ZC3H7B: variants seen among roughly 807,000 people sequenced by gnomAD.
ZC3H7B encodes the protein zinc finger CCCH-type containing 7B, also known as zinc finger CCCH domain-containing protein 7B.
Under a neutral mutation model 116.0 loss-of-function variants are expected in ZC3H7B, and 35 were observed. That is an observed-to-expected ratio of 0.30 (90% CI 0.23 to 0.40). The LOEUF (loss-of-function observed/expected upper bound fraction) is 0.40. Ranked by LOEUF, ZC3H7B falls within the 10% of genes least tolerant of loss-of-function variation. ZC3H7B has a pLI of 1.00. For missense variants in ZC3H7B, 1,011 were observed against 1,321.5 expected, an observed-to-expected ratio of 0.77 and a Z score of 3.64; for synonymous variants, 502 against 545.6, an observed-to-expected ratio of 0.92 and a Z score of 1.11.
At chr22:41,355,661 G>A (rs2036703864) in intron 18 of ZC3H7B, 59 bp downstream of exon 18, 1 of 1,612,318 alleles carries the variant, frequency 6.2e-7, no homozygotes, top group South Asian at 1.1e-5. Flanking sequence ...CACCACAGGT[G>A]TGGAGGCCAA....
At chr22:41,339,357 T>C (rs950863359) in intron 9 of ZC3H7B, among the ~76,000 whole-genome samples, 166 bp downstream of exon 9, 1 of 152,246 alleles carries the variant, frequency 6.6e-6, no homozygotes, top group African/African-American at 2.4e-5. Context: ...CTGGGCACGG[T>C]GGCTCACGCC....
Position 41,330,053 on chromosome 22 carries a change from C to T in ZC3H7B, c.475C>T (p.Leu159=), listed in dbSNP as rs2036362949. ...AAGCGTGACTCAGCTTGGTCAGGAG[C>T]TGGCCCAGAAACTGGGGCTGCGAGT... is the stretch of plus-strand genomic sequence containing the variant. ...DESVTQLGQE[L]AQKLGLRVRK... Residue 159 remains leucine, a synonymous_variant, in exon 6 of 23, where the codon CTG becomes TTG. Coordinates refer to ENST00000352645, the MANE Select transcript of ZC3H7B (RefSeq NM_017590.6). 6.8e-6 allele frequency: 11 copies of T among 1,613,786 alleles called. No individual in the cohort carries two copies. The highest frequency in any genetic ancestry group is 9.3e-6 in the Non-Finnish European group (11 of 1,180,016).
At chr22:41,343,296 C>T (rs901476710) in intron 12 of ZC3H7B, 119 bp from the exon 13 acceptor site, 14 of 1,341,440 alleles carry the variant, frequency 1.0e-5, no homozygotes, top group Middle Eastern at 2.0e-4. Flanking sequence ...GCAGGAGGCC[C>T]TCAGAGGGGA....
Position 41,339,799 on chromosome 22 carries a change from C to T in ZC3H7B, c.817-17C>T. The T allele has an allele frequency of 6.4e-7, 1 of 1,568,674 alleles. No homozygotes were observed. Among genetic ancestry groups the T allele is most frequent in the African/African-American group, 1.3e-5 (1 of 74,308 alleles). On this transcript the variant is annotated splice_polypyrimidine_tract_variant and intron_variant, in intron 9 of 22. Coordinates refer to ENST00000352645, the MANE Select transcript of ZC3H7B (RefSeq NM_017590.6). Reference sequence around the variant, plus strand: ...TCCTGTTTTCCTCTGACCCCTCCCTCTGTCCCTGCCTCATAGTCTCTGGTC... The same window carrying T: ...TCCTGTTTTCCTCTGACCCCTCCCTTTGTCCCTGCCTCATAGTCTCTGGTC...
chr22:41,343,271 G>A, intron 12 of ZC3H7B, 144 bp from the exon 13 acceptor site: 1 of 1,075,278 alleles, frequency 9.3e-7, no homozygotes. Context: ...GCCAGGAAGG[G>A]TGTGGTGGGA....
At position 41,359,955 on chromosome 22, in the gene ZC3H7B, T is replaced by C. The variant is rs1242821190; in HGVS notation, c.*2526T>C. 1.3e-5 allele frequency: 2 copies of C among 152,586 alleles called. No homozygotes were observed. The highest frequency in any genetic ancestry group is 2.9e-5 in the Non-Finnish European group (2 of 68,024). The allele number at this position is 152,586 out of a possible 1,614,324, so 9.5% of individuals were successfully genotyped here. On this transcript the variant is annotated 3_prime_UTR_variant, in exon 23 of 23. Transcript: ENST00000352645. The stretch of plus-strand genomic sequence containing the variant: ...CATTTCTCAGCTGGGCAGTAATCAA[T>C]TTAATGGTCCTTTAAAATGTCTGTG...
chr22:41,343,716 G>T (rs2036551714), intron 13 of ZC3H7B, 140 bp downstream of exon 13: 7 of 1,219,050 alleles, frequency 5.7e-6, no homozygotes, highest in Middle Eastern at 2.9e-4. Flanking sequence ...CACGGCCTAG[G>T]CTCCTGGGGC....
rs1017962497 is a variant in ZC3H7B, at chr22:41,351,383, G to C, written c.1949-178G>C. Among the ~76,000 whole-genome samples, 4 of 152,182 alleles carry C rather than the reference G, an allele frequency of 2.6e-5. No homozygotes were observed. The highest frequency in any genetic ancestry group is 9.7e-5 in the African/African-American group (4 of 41,438). On this transcript the variant is annotated intron_variant, in intron 16 of 22. Transcript: ENST00000352645. This position sits in a 1 kb window ranked among gnomAD's most constrained non-coding sequence, Gnocchi z 5.1. ...CCAGTGAGGCTCGGAGCAGGTCTTT[G>C]TTCCCATTTTGCAGATGGACAAAGT...
chr22:41,321,901 G>A (rs1214811463), intron 2 of ZC3H7B, among the ~76,000 whole-genome samples: 3 of 137,734 alleles, frequency 2.2e-5, no homozygotes, highest in East Asian at 2.2e-4. Context: ...GTGCAGTGGC[G>A]GGATCTCGGC....
intron 7 of ZC3H7B, chr22:41,334,969 G>A (rs548110103): frequency 1.3e-5 from 2 of 152,340 alleles, no homozygotes; most frequent in East Asian, 3.9e-4. Flanking sequence ...AGGGCTGTGA[G>A]TTCCAGGAAC....
chr22:41,342,428 A>G (rs2145931457), intron 11 of ZC3H7B, 101 bp from the exon 12 acceptor site: 1 of 1,076,306 alleles, frequency 9.3e-7, no homozygotes, highest in Non-Finnish European at 1.4e-6. Context: ...TGGGTAGGAT[A>G]GGGGGGTCAT....
rs1415178229 is a variant in ZC3H7B at position 41,332,185 on chromosome 22, T to C, written c.540T>C (p.Phe180=). 1.2e-6 allele frequency: 2 copies of C among 1,614,012 alleles called. No homozygotes were observed. The highest frequency in any genetic ancestry group is 4.5e-5 in the East Asian group (2 of 44,896). ...AYKRPQELET[F]SLLSNGTAAG... ...ATCTCTGGCAGGAATTGGAAACCTTTTCTCTGCTCAGTAACGGCACTGCGG... is the reference window on the plus strand; with the variant it reads ...ATCTCTGGCAGGAATTGGAAACCTTCTCTCTGCTCAGTAACGGCACTGCGG... Residue 180 remains phenylalanine, a synonymous_variant, in exon 7 of 23, where the codon TTT becomes TTC. Coordinates refer to ENST00000352645, the MANE Select transcript of ZC3H7B (RefSeq NM_017590.6).
Position 41,327,063 on chromosome 22 carries a change from G to C in ZC3H7B, c.286-143G>C, listed in dbSNP as rs2036328187. 5.8e-6 allele frequency: 7 copies of C among 1,197,076 alleles called. No individual in the cohort carries two copies. The Admixed American group carries it at 7.8e-5, about 13-fold the overall frequency. The allele number at this position is 1,197,076 out of a possible 1,614,324, so 74.2% of individuals were successfully genotyped here. On this transcript the variant is annotated intron_variant, in intron 4 of 22. Coordinates refer to ENST00000352645, the MANE Select transcript of ZC3H7B (RefSeq NM_017590.6). The surrounding 1 kb of genome is among the most constrained non-coding windows in gnomAD (Gnocchi z 4.5). Reference sequence around the variant, plus strand: ...GTGCTTCCTTCTCTCCTGGAGCCTCGAGCCCTGTCCCTGACCCAAGACTTC... The same window carrying C: ...GTGCTTCCTTCTCTCCTGGAGCCTCCAGCCCTGTCCCTGACCCAAGACTTC...
intron 5 of ZC3H7B, 131 bp from the exon 6 acceptor site, chr22:41,329,891 TG>T (rs2036360597): frequency 3.8e-6 from 3 of 792,708 alleles, no homozygotes; most frequent in African/African-American, 1.7e-5. Context: ...GGACACCTCC[TG>T]GGGCCTCACT....
Position 41,343,288 on chromosome 22 carries a change from A to C in ZC3H7B, c.1298-127A>C, listed in dbSNP as rs1431149089. On this transcript the variant is annotated intron_variant, in intron 12 of 22. Transcript: ENST00000352645. ...CAGGAAGGGTGTGGTGGGAGCTGGC[A>C]GGAGGCCCTCAGAGGGGAGGTAGGT... The C allele has an allele frequency of 6.5e-6, 8 of 1,233,646 alleles. No homozygotes were observed. In the Admixed American group the frequency reaches 1.6e-4, roughly 25 times the overall value. The allele number at this position is 1,233,646 out of a possible 1,614,324, so 76.4% of individuals were successfully genotyped here.
Position 41,356,337 on chromosome 22 carries a change from G to T in ZC3H7B, c.2384-6G>T. The T allele has an allele frequency of 1.2e-6, 2 of 1,614,032 alleles. No homozygotes were observed. The highest frequency in any genetic ancestry group is 1.7e-6 in the Non-Finnish European group (2 of 1,180,002). ...AGCAGGTGCCCTGTCCCTGTCCCCTGCCCAGTCCTGGACATGCAGCAGACC... is the reference window on the plus strand; with the variant it reads ...AGCAGGTGCCCTGTCCCTGTCCCCTTCCCAGTCCTGGACATGCAGCAGACC... On this transcript the variant is annotated splice_polypyrimidine_tract_variant and splice_region_variant and intron_variant, in intron 20 of 22. Coordinates refer to ENST00000352645, the MANE Select transcript of ZC3H7B (RefSeq NM_017590.6).
chr22:41,307,379 C>T (rs973864795), intron 1 of ZC3H7B, among the ~76,000 whole-genome samples: 5 of 152,192 alleles, frequency 3.3e-5, no homozygotes, highest in Non-Finnish European at 5.9e-5. Flanking sequence ...TTCATTCCCC[C>T]CAGGGAGACT....
At chr22:41,317,199 C>T (rs564115644) in intron 1 of ZC3H7B, among the ~76,000 whole-genome samples, 27 of 151,862 alleles carry the variant, frequency 1.8e-4, no homozygotes, top group African/African-American at 6.0e-4. Flanking sequence ...AGGCTGGTCT[C>T]GAACTCCTGA....
chr22:41,355,630 G>A, intron 18 of ZC3H7B, 28 bp downstream of exon 18: 1 of 1,613,638 alleles, frequency 6.2e-7, no homozygotes, highest in Non-Finnish European at 8.5e-7. Context: ...TGGGGGCTCA[G>A]GTGGGATGGG....
Sources: allele counts gnomAD v4.1 joint callset (sites outside exome capture counted in the v4.1 genomes callset), GRCh38; gene constraint gnomAD v4.1.1; non-coding constraint Gnocchi (gnomAD v3.1); transcripts MANE v1.5; gene names NCBI Gene and HGNC (gene_info 2026-07-23, HGNC 2026-07-21).